Variants in TRPM4 observed in about 807,000 individuals in gnomAD.
TRPM4 encodes the protein transient receptor potential cation channel subfamily M member 4, also known as calcium-activated non-selective cation channel 1.
In TRPM4, 124 loss-of-function variants were observed where a neutral mutation model predicts 135.6. The observed-to-expected ratio is 0.91, with a 90% CI of 0.79 to 1.06. The LOEUF (loss-of-function observed/expected upper bound fraction) is 1.06, where lower values mean the gene tolerates loss of function less well. TRPM4 is among the 50% of genes least tolerant of loss of function. The probability of loss-of-function intolerance (pLI) is 0.00; values close to 1 mark genes in which losing one functional copy is unlikely to be tolerated. For missense variants in TRPM4, 1,658 were observed against 1,671.4 expected (o/e 0.99, Z 0.14); for synonymous variants, 745 against 705.6 (o/e 1.06, Z -0.88).
chr19:49,192,711 A>G (rs1181490660), intron 16 of TRPM4, among the ~76,000 whole-genome samples: 1 of 152,266 alleles, frequency 6.6e-6, no homozygotes, highest in East Asian at 1.9e-4. Flanking sequence ...AGGACCAGGA[A>G]AAATAACTAG....
At chr19:49,183,335 G>C (rs1028454572) in intron 12 of TRPM4, 123 bp downstream of exon 12, 19 of 1,225,748 alleles carry the variant, frequency 1.6e-5, no homozygotes, top group Non-Finnish European at 2.2e-5. Flanking sequence ...CCCATCCTCC[G>C]TCGCTGATAT....
rs1468873512 is a variant in TRPM4 at position 49,188,622 on chromosome 19, G to A, written c.1744-19G>A. The stretch of plus-strand genomic sequence containing the variant: ...TATGAACCCTCTTTGACGCATCCGT[G>A]CCCTCTTTGTCTCTCCAGGGTTCCA... On this transcript the variant is annotated intron_variant, in intron 12 of 24. Coordinates refer to ENST00000252826, the MANE Select transcript of TRPM4 (RefSeq NM_017636.4). The A allele has an allele frequency of 6.2e-7, 1 of 1,614,142 alleles. No homozygotes were observed. The highest frequency in any genetic ancestry group is 1.1e-5 in the South Asian group (1 of 91,086).
chr19:49,158,158 C>A, intron 1 of TRPM4, 34 bp from the exon 2 acceptor site: 1 of 1,603,500 alleles, frequency 6.2e-7, no homozygotes, highest in Non-Finnish European at 8.5e-7. Context: ...CCCTCTCACC[C>A]CACTTCCACC....
rs527329849 is a variant in TRPM4, at chr19:49,168,859, C to T, written c.796+123C>T. Reference sequence around the variant, plus strand: ...TTACCTATGGTTAAGTGTCTTTCCCCGTCATTATTCATGGTTTTAAAAACT... The same window carrying T: ...TTACCTATGGTTAAGTGTCTTTCCCTGTCATTATTCATGGTTTTAAAAACT... On this transcript the variant is annotated intron_variant, in intron 6 of 24. Coordinates refer to ENST00000252826, the MANE Select transcript of TRPM4 (RefSeq NM_017636.4). 50 of 1,081,168 alleles carry T rather than the reference C, an allele frequency of 4.6e-5. No individual in the cohort carries two copies. In the African/African-American group the frequency reaches 5.0e-4, roughly 11 times the overall value. 67.0% of individuals were successfully genotyped at this position (1,081,168 alleles called of 1,614,324 possible). A position where few individuals can be genotyped will look rare whatever the true frequency, so the allele number is the denominator to read the frequency against.
intron 18 of TRPM4, 26 bp from the exon 19 acceptor site, chr19:49,200,585 C>T (rs754392576): frequency 3.7e-6 from 6 of 1,609,450 alleles, no homozygotes; most frequent in Non-Finnish European, 4.2e-6. Flanking sequence ...AAGGGCGGGG[C>T]CAGACTCAGC....
chr19:49,182,351 TC>T (rs1484454297), intron 10 of TRPM4, among the ~76,000 whole-genome samples: 1 of 141,980 alleles, frequency 7.0e-6, no homozygotes, highest in Non-Finnish European at 1.5e-5. Context: ...CATCCATCCC[TC>T]TGTCCATCCA....
intron 13 of TRPM4, 34 bp downstream of exon 13, chr19:49,188,804 G>T: frequency 6.2e-7 from 1 of 1,613,310 alleles, no homozygotes; most frequent in Non-Finnish European, 8.5e-7. Flanking sequence ...AGCAGGGACG[G>T]GGGCTGCCGC....
chr19:49,175,067 C>CTTTTTTTTTTTTTGTTTTTTTTTGTTTT (rs1967627475), intron 9 of TRPM4, among the ~76,000 whole-genome samples: 1 of 77,596 alleles, frequency 1.3e-5, no homozygotes, highest in African/African-American at 7.4e-5. Context: ...TCATGCCTGG[C>CTTTTTTTTTTTTTGTTTTTTTTTGTTTT]TTTTTTTTTT....
At chr19:49,199,612 A>G (rs1968838903) in intron 17 of TRPM4, among the ~76,000 whole-genome samples, 1 of 151,682 alleles carries the variant, frequency 6.6e-6, no homozygotes, top group South Asian at 2.1e-4. Flanking sequence ...ATAAATGTAT[A>G]TACTCCTTAT....
Position 49,172,182 on chromosome 19 carries a change from A to G in TRPM4, c.1150+74A>G, listed in dbSNP as rs559459336. The G allele has an allele frequency of 1.2e-3, 1,375 of 1,154,280 alleles. 2 individuals carry two copies. The highest frequency in any genetic ancestry group is 1.4e-3 in the Non-Finnish European group (1,071 of 764,390). 71.5% of individuals were successfully genotyped at this position (1,154,280 alleles called of 1,614,324 possible). On this transcript the variant is annotated intron_variant, in intron 9 of 24. Transcript: ENST00000252826. The stretch of plus-strand genomic sequence containing the variant: ...ACACCTTTCCTGGCCTGGGCACTTC[A>G]TCCACCCTCTCTAATCCAAGGCCCA...
At chr19:49,196,958 T>G in intron 17 of TRPM4, 84 bp downstream of exon 17, 1 of 1,350,912 alleles carries the variant, frequency 7.4e-7, no homozygotes, top group Non-Finnish European at 1.0e-6. Context: ...ACTCCCGGCT[T>G]CCCCGCAGCT....
At chr19:49,184,046 C>G (rs1329839846) in intron 12 of TRPM4, among the ~76,000 whole-genome samples, 1 of 152,160 alleles carries the variant, frequency 6.6e-6, no homozygotes, top group Non-Finnish European at 1.5e-5. Flanking sequence ...CAGGCGTGAG[C>G]CACTGTGCTT....
intron 17 of TRPM4, 152 bp from the exon 18 acceptor site, chr19:49,200,148 G>A: frequency 8.5e-7 from 1 of 1,171,304 alleles, no homozygotes; most frequent in East Asian, 2.4e-5. Context: ...GCTTGGTACT[G>A]AATAAATTTG....
chr19:49,173,925 C>T (rs1290942826), intron 9 of TRPM4, among the ~76,000 whole-genome samples: 1 of 152,086 alleles, frequency 6.6e-6, no homozygotes, highest in Non-Finnish European at 1.5e-5. Context: ...CTGCCTCAGT[C>T]TCCCAAAGTG....
chr19:49,166,343 C>A, intron 3 of TRPM4, 128 bp downstream of exon 3: 3 of 932,334 alleles, frequency 3.2e-6, no homozygotes, highest in South Asian at 3.5e-5. Flanking sequence ...CTCTCTTTGT[C>A]CCCTCCGCCC....
rs3760665 is a variant in TRPM4, at chr19:49,158,421, G to C, written c.92+162G>C. On this transcript the variant is annotated intron_variant, in intron 2 of 24. Transcript: ENST00000252826. Reference sequence around the variant, plus strand: ...TCTCCCTCTAGGAGCGTTTGGGTCTGTGTAGACACCCCTCATTCCCCATTC... The same window carrying C: ...TCTCCCTCTAGGAGCGTTTGGGTCTCTGTAGACACCCCTCATTCCCCATTC... 108,821 of 707,244 alleles carry C rather than the reference G, an allele frequency of 0.15. 9,019 individuals are homozygous for C. Among genetic ancestry groups the C allele is most frequent in the Admixed American group, 0.28 (13,304 of 48,068 alleles). The allele number at this position is 707,244 out of a possible 1,614,324, so 43.8% of individuals were successfully genotyped here.
Position 49,182,379 on chromosome 19 carries a change from T to TCCATCTGC in TRPM4, c.1264-194_1264-193insTGCCCATC, listed in dbSNP as rs1555755668. 5.5e-5 allele frequency: 34 copies of TCCATCTGC among 616,632 alleles called. No homozygotes were observed. In the African/African-American group the frequency reaches 6.0e-4, roughly 11 times the overall value. The allele number at this position is 616,632 out of a possible 1,614,324, so 38.2% of individuals were successfully genotyped here. ...GTCCATCCATCCATCCATCCATCCA[T>TCCATCTGC]CCATCCATCCATCTGCCCATCCATC... On this transcript the variant is annotated intron_variant, in intron 10 of 24. Coordinates refer to ENST00000252826, the MANE Select transcript of TRPM4 (RefSeq NM_017636.4).
intron 16 of TRPM4, among the ~76,000 whole-genome samples, chr19:49,191,956 T>C (rs1271697338): frequency 2.0e-5 from 3 of 152,138 alleles, no homozygotes; most frequent in African/African-American, 7.2e-5. Flanking sequence ...TCACCAGAAA[T>C]TGATTTTCTT....
Position 49,157,872 on chromosome 19 carries a change from G to T in TRPM4, c.6G>T (p.Val2=), listed in dbSNP as rs531997715. The change falls in exon 1 of 25, where the codon GTG becomes GTT. Residue 2 remains valine (V), a synonymous_variant. Coordinates refer to ENST00000252826, the MANE Select transcript of TRPM4 (RefSeq NM_017636.4). The stretch of plus-strand genomic sequence containing the variant: ...GTTGCGGCGGCCGCGGCAGCATGGT[G>T]GTGCCGGAGAAGGAGCAGGTGAGCG... M[V]VPEKEQSWIP... The T allele has an allele frequency of 2.0e-6, 3 of 1,534,942 alleles. No homozygotes were observed. In the African/African-American group the frequency reaches 4.1e-5, roughly 21 times the overall value.
Sources: gnomAD v4.1 joint callset for allele counts (sites outside exome capture counted in the v4.1 genomes callset) on GRCh38, gnomAD v4.1.1 for gene constraint, MANE v1.5 for transcripts, NCBI Gene and HGNC (gene_info 2026-07-23, HGNC 2026-07-21) for gene names.